Variants in RASA1 observed in about 807,000 individuals in gnomAD.
RASA1 encodes the protein ras GTPase-activating protein 1.
RASA1 carries 25 observed loss-of-function variants against 132.2 expected under a neutral mutation model. The observed-to-expected ratio is 0.19, with a 90% CI of 0.14 to 0.26. The LOEUF is 0.26. Ranked by LOEUF, RASA1 falls within the 10% of genes least tolerant of loss-of-function variation. The pLI is 1.00. For synonymous variants in RASA1, 477 were observed against 449.9 expected (o/e 1.06, Z -0.76); for missense variants, 964 against 1,299.2 (o/e 0.74, Z 3.97).
intron 4 of RASA1, among the ~76,000 whole-genome samples, chr5:87,337,436 C>T (rs920630611): frequency 1.3e-5 from 2 of 151,828 alleles, no homozygotes; most frequent in African/African-American, 4.8e-5. Flanking sequence ...TTAAACAAGC[C>T]CTGGTTTTTT....
rs537712885 is a variant in RASA1 at position 87,337,491 on chromosome 5, T to C, written c.900-483T>C. ...GACATAAGCATCTACATCATGCTTA[T>C]CTAAAATAAACATTTTCTGAAGTAA... On this transcript the variant is annotated intron_variant, in intron 4 of 24. Coordinates refer to ENST00000274376, the MANE Select transcript of RASA1 (RefSeq NM_002890.3). Among the ~76,000 whole-genome samples, 8 of 152,204 alleles carry C rather than the reference T, an allele frequency of 5.3e-5. No homozygotes were observed. In the East Asian group the frequency reaches 1.5e-3, roughly 29 times the overall value.
intron 4 of RASA1, among the ~76,000 whole-genome samples, chr5:87,337,561 G>A (rs758000414): frequency 8.6e-5 from 13 of 151,782 alleles, no homozygotes; most frequent in Non-Finnish European, 1.8e-4. Flanking sequence ...TATTTATTTT[G>A]TGTTTTGATT....
chr5:87,355,129 A>G (rs1252214058), intron 9 of RASA1, among the ~76,000 whole-genome samples: 4 of 152,206 alleles, frequency 2.6e-5, no homozygotes, highest in African/African-American at 9.6e-5. Context: ...TCCAGAAGAT[A>G]ACTAGCAAGT....
chr5:87,371,818 GTTTC>G (rs1760964682), intron 12 of RASA1, among the ~76,000 whole-genome samples: 1 of 152,072 alleles, frequency 6.6e-6, no homozygotes, highest in Non-Finnish European at 1.5e-5. Context: ...GGGAGAAATA[GTTTC>G]TTTAATGTAA....
rs1762404817 is a variant in RASA1, at chr5:87,390,292, G to GAGAT, written c.3061-505_3061-502dup. Among the ~76,000 whole-genome samples, 3 of 152,274 alleles carry GAGAT rather than the reference G, an allele frequency of 2.0e-5. No homozygotes were observed. In the South Asian group the frequency reaches 6.2e-4, roughly 32 times the overall value. On this transcript the variant is annotated intron_variant, in intron 24 of 24. Transcript: ENST00000274376. ...TGACTAGTTTCTAATGTAGTTTCAG[G>GAGAT]AGATAGTGAATGCTGTCACCGCACT...
chr5:87,371,389 A>G (rs924021186), intron 12 of RASA1, among the ~76,000 whole-genome samples: 5 of 152,114 alleles, frequency 3.3e-5, no homozygotes, highest in Non-Finnish European at 7.4e-5. Flanking sequence ...CAAACTAAAG[A>G]CATAATTGAA....
At chr5:87,312,285 AAC>A (rs1755978880) in intron 1 of RASA1, among the ~76,000 whole-genome samples, 2 of 152,254 alleles carry the variant, frequency 1.3e-5, no homozygotes. Context: ...TGAATGCAGA[AAC>A]AGATAAGGAA....
chr5:87,284,985 A>G lies in RASA1; in HGVS notation c.539+15995A>G, dbSNP rs187517918. Among the ~76,000 whole-genome samples the G allele has an allele frequency of 5.9e-3, 900 of 152,098 alleles. 3 individuals are homozygous for G. The highest frequency in any genetic ancestry group is 8.8e-3 in the Non-Finnish European group (595 of 67,966). ...TAGAATAACATTTAACATTAAAGTT[A>G]GTGTCAGAAATCATACAACTTTTAA... On this transcript the variant is annotated intron_variant, in intron 1 of 24. Transcript: ENST00000274376.
At position 87,268,344 on chromosome 5, in the gene RASA1, G is replaced by C. The variant is rs1381523265; in HGVS notation, c.-108G>C. 2.3e-6 allele frequency: 3 copies of C among 1,318,454 alleles called. No individual in the cohort carries two copies. The highest frequency in any genetic ancestry group is 3.0e-5 in the African/African-American group (2 of 66,384). 81.7% of individuals were successfully genotyped at this position (1,318,454 alleles called of 1,614,324 possible). A position where few individuals can be genotyped will look rare whatever the true frequency, so the allele number is the denominator to read the frequency against. ...CTTTTGTTGTTGTTTCCTCAGCCTG[G>C]GGAGCTGAAGGGGAGACGCGTCTGG... On this transcript the variant is annotated 5_prime_UTR_variant, in exon 1 of 25. Coordinates refer to ENST00000274376, the MANE Select transcript of RASA1 (RefSeq NM_002890.3).
intron 1 of RASA1, among the ~76,000 whole-genome samples, chr5:87,327,833 C>T (rs1199297128): frequency 6.6e-6 from 1 of 151,966 alleles, no homozygotes; most frequent in Non-Finnish European, 1.5e-5. Context: ...GATGTGGTGG[C>T]ACACACCTGT....
intron 1 of RASA1, among the ~76,000 whole-genome samples, chr5:87,316,906 A>T (rs554283582): frequency 6.6e-6 from 1 of 151,848 alleles, no homozygotes; most frequent in South Asian, 2.1e-4. Context: ...TTTTGGAGAA[A>T]GAGTCTTGCT....
chr5:87,348,980 A>G (rs571810556), intron 7 of RASA1, among the ~76,000 whole-genome samples: 1 of 151,788 alleles, frequency 6.6e-6, no homozygotes, highest in Non-Finnish European at 1.5e-5. Flanking sequence ...TCTGCTCTCT[A>G]TTTTTATGTA....
At chr5:87,276,040 A>C (rs1384000461) in intron 1 of RASA1, among the ~76,000 whole-genome samples, 1 of 152,192 alleles carries the variant, frequency 6.6e-6, no homozygotes, top group Non-Finnish European at 1.5e-5. Context: ...GGACTATAAA[A>C]TGGCATGAAT....
At chr5:87,361,487 C>A (rs1003873370) in intron 9 of RASA1, among the ~76,000 whole-genome samples, 2 of 151,958 alleles carry the variant, frequency 1.3e-5, no homozygotes, top group Non-Finnish European at 2.9e-5. Flanking sequence ...GTAAGATGGA[C>A]TAAAAGTCAT....
chr5:87,376,847 G>A (rs753512516), intron 16 of RASA1, 34 bp from the exon 17 acceptor site: 15 of 1,549,610 alleles, frequency 9.7e-6, no homozygotes, highest in East Asian at 2.2e-5. Context: ...ATAATGCTAC[G>A]TACTTTAAAC....
intron 24 of RASA1, among the ~76,000 whole-genome samples, chr5:87,390,113 AGATAAG>A (rs1762390431): frequency 6.6e-6 from 1 of 152,250 alleles, no homozygotes; most frequent in Admixed American, 6.5e-5. Context: ...AAACAGATAC[AGATAAG>A]GATGTATTCA....
chr5:87,367,866 CTT>C (rs922484819), intron 11 of RASA1, among the ~76,000 whole-genome samples: 2 of 151,962 alleles, frequency 1.3e-5, no homozygotes, highest in African/African-American at 4.8e-5. Context: ...GGTAATGTAT[CTT>C]TGTCTTTTCT....
chr5:87,339,617 A>G (rs371158743), intron 5 of RASA1, among the ~76,000 whole-genome samples: 16 of 152,100 alleles, frequency 1.1e-4, no homozygotes, highest in African/African-American at 3.9e-4. Flanking sequence ...AAATTACTCA[A>G]TGTATACAGA....
chr5:87,335,419 G>GTTTTTTTTT (rs34986349), intron 4 of RASA1, among the ~76,000 whole-genome samples: 3 of 72,884 alleles, frequency 4.1e-5, no homozygotes, highest in African/African-American at 5.5e-5. Flanking sequence ...AAAGAATGAG[G>GTTTTTTTTT]TTTTTTTTTT....
Sources: gnomAD v4.1 joint callset for allele counts (sites outside exome capture counted in the v4.1 genomes callset) on GRCh38, gnomAD v4.1.1 for gene constraint, MANE v1.5 for transcripts, NCBI Gene and HGNC (gene_info 2026-07-23, HGNC 2026-07-21) for gene names.